Variants in ABCB11 observed in about 807,000 individuals in gnomAD.
ABCB11 encodes ATP binding cassette subfamily B member 11.
A neutral mutation model predicts 148.0 loss-of-function variants in ABCB11; 95 were observed. The ratio of observed to expected loss-of-function variants is 0.64; its 90% CI spans 0.54 to 0.76. The LOEUF (loss-of-function observed/expected upper bound fraction) is 0.76, where lower values mean the gene tolerates loss of function less well. Among genes scored for constraint, ABCB11 ranks in the 30% least tolerant of loss-of-function variants. The probability of loss-of-function intolerance (pLI) is 0.00; values close to 1 mark genes in which losing one functional copy is unlikely to be tolerated. For missense variants in ABCB11, 1,523 were observed against 1,617.8 expected, an observed-to-expected ratio of 0.94 and a Z score of 1.01; for synonymous variants, 591 against 555.4, an observed-to-expected ratio of 1.06 and a Z score of -0.90.
chr2:168,994,145 CT>C (rs1340921163), intron 7 of ABCB11, among the ~76,000 whole-genome samples: 5 of 152,040 alleles, frequency 3.3e-5, no homozygotes. Context: ...TGGAAACCAT[CT>C]TATTTGTCTT....
chr2:168,942,465 A>G (rs539671967), intron 21 of ABCB11, among the ~76,000 whole-genome samples: 2 of 150,818 alleles, frequency 1.3e-5, no homozygotes, highest in East Asian at 2.0e-4. Context: ...GCCTTACCAG[A>G]TACTAAAATG....
intron 10 of ABCB11, among the ~76,000 whole-genome samples, chr2:168,984,359 A>G (rs1181463455): frequency 1.3e-5 from 2 of 152,160 alleles, no homozygotes; most frequent in Non-Finnish European, 2.9e-5. Context: ...ACAAAACCAC[A>G]TTTCCGTTGC....
At chr2:168,918,457 C>T (rs75075963), downstream of ABCB11, among the ~76,000 whole-genome samples, 202 of 152,296 alleles carry the variant, frequency 1.3e-3, 1 homozygote, top group Non-Finnish European at 2.1e-3. Context: ...ACACCAAACA[C>T]AGATACACAC....
chr2:168,923,418 C>A lies in ABCB11; in HGVS notation c.*204G>T. On this transcript the variant is annotated 3_prime_UTR_variant, in exon 28 of 28. Transcript: ENST00000650372. The stretch of plus-strand genomic sequence containing the variant: ...CCTAGTTTCTTTCATTTTCTGTATA[C>A]ACATCTAAAGCAGAATTATTATGGA... 1 of 614,488 alleles carries A rather than the reference C, an allele frequency of 1.6e-6. No homozygotes were observed. The allele number at this position is 614,488 out of a possible 1,614,324, so 38.1% of individuals were successfully genotyped here.
intron 19 of ABCB11, among the ~76,000 whole-genome samples, chr2:168,949,431 C>A (rs1692465460): frequency 6.6e-6 from 1 of 151,594 alleles, no homozygotes; most frequent in African/African-American, 2.4e-5. Flanking sequence ...TTAGCTCTCA[C>A]TTTTAAGTGA....
intron 17 of ABCB11, among the ~76,000 whole-genome samples, chr2:168,968,165 T>G (rs1473315888): frequency 6.6e-6 from 1 of 151,824 alleles, no homozygotes; most frequent in Admixed American, 6.6e-5. Context: ...CTAAGCTCAA[T>G]ACACAACAAT....
intron 1 of ABCB11, among the ~76,000 whole-genome samples, chr2:169,027,714 A>G (rs889167169): frequency 6.6e-6 from 1 of 152,142 alleles, no homozygotes; most frequent in African/African-American, 2.4e-5. Context: ...ACAGGGTTCT[A>G]CAAGCCATGC....
chr2:168,995,566 A>C (rs572778786), intron 6 of ABCB11, 84 bp from the exon 7 acceptor site: 99 of 1,417,216 alleles, frequency 7.0e-5, no homozygotes, highest in Admixed American at 3.9e-4. Flanking sequence ...TACTTTCAAT[A>C]CAACAGTTGA....
chr2:168,923,665 C>A lies in ABCB11; in HGVS notation c.3923G>T (p.Gly1308Val). 4 of 1,613,686 alleles carry A rather than the reference C, an allele frequency of 2.5e-6. No individual in the cohort carries two copies. Among genetic ancestry groups the A allele is most frequent in the Non-Finnish European group, 3.4e-6 (4 of 1,179,818 alleles). The change falls in exon 28 of 28, where the codon GGA becomes GTA. Residue 1308 changes from glycine (G) to valine (V), a missense_variant. Gly to Val is a moderately radical substitution (Grantham distance 109, BLOSUM62 -3). Transcript: ENST00000650372. ...GTHEELMAQK[G>V]AYYKLVTTGS... Reference sequence around the variant, plus strand: ...AGTGGTGACTAGTTTGTAGTAGGCTCCTTTTTGGGCCATCAGTTCTTCATG... The same window carrying A: ...AGTGGTGACTAGTTTGTAGTAGGCTACTTTTTGGGCCATCAGTTCTTCATG...
rs555881834 is a variant in ABCB11, at chr2:168,923,786, G to T, written c.3802C>A (p.Arg1268=). The T allele has an allele frequency of 3.7e-6, 6 of 1,613,896 alleles. No individual in the cohort carries two copies. The South Asian group carries it at 5.5e-5, about 15-fold the overall frequency. Residue 1268 remains arginine (R), a synonymous_variant, in exon 28 of 28, where the codon CGG becomes AGG. Coordinates refer to ENST00000650372, the MANE Select transcript of ABCB11 (RefSeq NM_003742.4). ...QVALDKAREG[R]TCIVIAHRLS... is the part of the protein sequence containing the mutation. ...CGATGGGCAATGACAATGCAGGTCC[G>T]ACCCTCTCTGGCTTTGTCTAGAGCA... is the stretch of plus-strand genomic sequence containing the variant.
Position 168,993,678 on chromosome 2 carries a change from T to C in ABCB11, c.783+33A>G, listed in dbSNP as rs749470491. The C allele has an allele frequency of 3.1e-6, 5 of 1,589,524 alleles. No homozygotes were observed. The East Asian group carries it at 9.1e-5, about 29-fold the overall frequency. On this transcript the variant is annotated intron_variant, in intron 8 of 27. Transcript: ENST00000650372. ...TTGGCTGTTTATGAAGGCAAATGTCTTCCCATGGAGAGATGCAAAAAGACA... is the reference window on the plus strand; with the variant it reads ...TTGGCTGTTTATGAAGGCAAATGTCCTCCCATGGAGAGATGCAAAAAGACA...
chr2:169,016,166 A>G (rs544454501), intron 3 of ABCB11, among the ~76,000 whole-genome samples: 1 of 152,182 alleles, frequency 6.6e-6, no homozygotes, highest in South Asian at 2.1e-4. Context: ...TCAGAGGCCC[A>G]GGCTGACCTG....
At chr2:169,000,118 C>T (rs1320132238) in intron 5 of ABCB11, among the ~76,000 whole-genome samples, 1 of 151,988 alleles carries the variant, frequency 6.6e-6, no homozygotes, top group Non-Finnish European at 1.5e-5. Context: ...TTTGTCCTTA[C>T]TCATGTCTTT....
At chr2:168,952,193 T>C (rs1227524657) in intron 19 of ABCB11, among the ~76,000 whole-genome samples, 2 of 151,666 alleles carry the variant, frequency 1.3e-5, no homozygotes, top group African/African-American at 4.8e-5. Context: ...AGTTTTCTGT[T>C]TTTGTGATGT....
At chr2:168,928,349 T>G (rs1163151544) in intron 25 of ABCB11, among the ~76,000 whole-genome samples, 1 of 152,178 alleles carries the variant, frequency 6.6e-6, no homozygotes, top group Non-Finnish European at 1.5e-5. Flanking sequence ...ACATGCTTCA[T>G]GGTCCTTAGA....
chr2:168,946,771 T>C (rs558066260), intron 19 of ABCB11, among the ~76,000 whole-genome samples: 4 of 151,768 alleles, frequency 2.6e-5, no homozygotes, highest in Non-Finnish European at 5.9e-5. Flanking sequence ...TTCATTAAGC[T>C]AGTGGTTATT....
At chr2:169,020,132 A>G (rs762348429) in intron 1 of ABCB11, among the ~76,000 whole-genome samples, 1 of 152,254 alleles carries the variant, frequency 6.6e-6, no homozygotes, top group Non-Finnish European at 1.5e-5. Flanking sequence ...TGTAACTTGA[A>G]CACAAGATAA....
rs35964117 is a variant in ABCB11 at position 168,978,132 on chromosome 2, C to CTTTTT, written c.1198-1450_1198-1446dup. Among the ~76,000 whole-genome samples, 5 of 53,112 alleles carry CTTTTT rather than the reference C, an allele frequency of 9.4e-5. 1 individual carries two copies. The highest frequency in any genetic ancestry group is 1.7e-4 in the African/African-American group (2 of 11,502). The allele number at this position is 53,112 out of a possible 152,430, so 34.8% of individuals were successfully genotyped here. A position where few individuals can be genotyped will look rare whatever the true frequency, so the allele number is the denominator to read the frequency against. On this transcript the variant is annotated intron_variant, in intron 11 of 27. Coordinates refer to ENST00000650372, the MANE Select transcript of ABCB11 (RefSeq NM_003742.4). ...AAGAGGTAGAATTTGAATAAATTGACTTTTTTTTTTTTTTTTTTTTTTTTT... is the reference window on the plus strand; with the variant it reads ...AAGAGGTAGAATTTGAATAAATTGACTTTTTTTTTTTTTTTTTTTTTTTTTTTTTT...
chr2:168,925,804 C>T lies in ABCB11; in HGVS notation c.3619-1001G>A, dbSNP rs373966221. Among the ~76,000 whole-genome samples, 4 of 152,190 alleles carry T rather than the reference C, an allele frequency of 2.6e-5. No individual in the cohort carries two copies. In the East Asian group the frequency reaches 7.7e-4, roughly 29 times the overall value. On this transcript the variant is annotated intron_variant, in intron 26 of 27. Transcript: ENST00000650372. ...AGTGCTCAGAGAAGGGTGCCACGGG[C>T]AAGTCTGTATGAGGACAATGCAGTA...
Sources: allele counts gnomAD v4.1 joint callset (sites outside exome capture counted in the v4.1 genomes callset), GRCh38; gene constraint gnomAD v4.1.1; transcripts MANE v1.5; gene names NCBI Gene and HGNC (gene_info 2026-07-23, HGNC 2026-07-21).